The following PCSK5 variants were observed in gnomAD, a reference collection of about 807,000 sequenced individuals.
PCSK5 encodes the protein prohormone convertase 5.
PCSK5 carries 129 observed loss-of-function variants against 233.2 expected under a neutral mutation model. The observed-to-expected ratio is 0.55, with a 90% CI of 0.48 to 0.64. PCSK5 has a LOEUF of 0.64. PCSK5 is among the 30% of genes least tolerant of loss of function. The pLI is 0.00. For synonymous variants in PCSK5, 825 were observed against 879.2 expected (o/e 0.94, Z 1.09); for missense variants, 2,076 against 2,430.1 (o/e 0.85, Z 3.06).
rs576933970 is a variant in PCSK5 at position 76,274,052 on chromosome 9, C to T, written c.3143-18181C>T. Among the ~76,000 whole-genome samples, 86 of 151,724 alleles carry T rather than the reference C, an allele frequency of 5.7e-4. 1 individual carries two copies. The highest frequency in any genetic ancestry group is 1.9e-3 in the African/African-American group (77 of 41,436). On this transcript the variant is annotated intron_variant, in intron 24 of 37. Transcript: ENST00000674117. Reference sequence around the variant, plus strand: ...TTTCCCATTCTCTCAGTTATCTCTTCGGAACTTTGACATTTTTTAGCCCTT... The same window carrying T: ...TTTCCCATTCTCTCAGTTATCTCTTTGGAACTTTGACATTTTTTAGCCCTT...
At chr9:76,196,333 T>A (rs142323256) in intron 20 of PCSK5, among the ~76,000 whole-genome samples, 440 of 152,330 alleles carry the variant, frequency 2.9e-3, no homozygotes, top group East Asian at 0.015. Flanking sequence ...GAAGGTGGCT[T>A]TGTTCAATTT....
chr9:76,186,166 ATTCT>A (rs1375498216), intron 17 of PCSK5, among the ~76,000 whole-genome samples: 1 of 152,186 alleles, frequency 6.6e-6, no homozygotes, highest in African/African-American at 2.4e-5. Context: ...GATGTCTTTC[ATTCT>A]TTTTCATTGT....
At chr9:75,902,214 T>TAAAAAAAAA (rs200579439) in intron 1 of PCSK5, among the ~76,000 whole-genome samples, 554 of 53,098 alleles carry the variant, frequency 0.01, 13 homozygotes, top group Non-Finnish European at 0.014. Flanking sequence ...AGACACCATC[T>TAAAAAAAAA]AAAAAAAAAA....
At chr9:76,077,238 C>T (rs1830673468) in intron 7 of PCSK5, among the ~76,000 whole-genome samples, 1 of 152,112 alleles carries the variant, frequency 6.6e-6, no homozygotes, top group African/African-American at 2.4e-5. Flanking sequence ...CCACCTAAGG[C>T]CACCTCCTCC....
At chr9:76,172,136 A>G (rs1823357119) in intron 13 of PCSK5, among the ~76,000 whole-genome samples, 1 of 152,168 alleles carries the variant, frequency 6.6e-6, no homozygotes. Context: ...AACTGAATTT[A>G]TATTTATTTA....
chr9:75,945,623 A>G (rs938157249), intron 2 of PCSK5, among the ~76,000 whole-genome samples: 52 of 125,514 alleles, frequency 4.1e-4, no homozygotes, highest in Non-Finnish European at 7.6e-4. Flanking sequence ...TAATGACTTT[A>G]TTGATCCTGA....
At chr9:75,990,310 T>G (rs1476039940) in intron 3 of PCSK5, among the ~76,000 whole-genome samples, 1 of 152,210 alleles carries the variant, frequency 6.6e-6, no homozygotes, top group Non-Finnish European at 1.5e-5. Context: ...TGGCATGAAG[T>G]GTGCCTGCGT....
Position 76,323,053 on chromosome 9 carries a change from G to C in PCSK5, c.4104G>C (p.Glu1368Asp), listed in dbSNP as rs767113323. Residue 1368 changes from glutamate to aspartate, a missense_variant and splice_region_variant, in exon 32 of 38, where the codon GAG becomes GAC. Physicochemically the swap from Glu to Asp is conservative, Grantham distance 45. Transcript: ENST00000674117. ...QDCIHEKTCK[E>D]CTPEFFLHDD... ...CTTGCTGCTTCCTCCTTTTCCCAGA[G>C]TGCACGCCTGAGTTCTTCCTGCACG... The C allele has an allele frequency of 1.9e-6, 3 of 1,572,482 alleles. No homozygotes were observed. The highest frequency in any genetic ancestry group is 3.3e-4 in the Middle Eastern group (2 of 6,002).
chr9:76,269,273 C>T (rs974414738), intron 24 of PCSK5, among the ~76,000 whole-genome samples: 9 of 152,230 alleles, frequency 5.9e-5, no homozygotes, highest in African/African-American at 1.9e-4. Context: ...TCCTGGCACT[C>T]TCAAGTCTCT....
At chr9:76,173,366 C>T (rs1331389) in intron 13 of PCSK5, among the ~76,000 whole-genome samples, 1 of 152,038 alleles carries the variant, frequency 6.6e-6, no homozygotes, top group Admixed American at 6.6e-5. Flanking sequence ...GAGAGGGGTT[C>T]TGAGGGGCAT....
At chr9:76,278,886 T>A (rs1039600754) in intron 24 of PCSK5, among the ~76,000 whole-genome samples, 2 of 152,184 alleles carry the variant, frequency 1.3e-5, no homozygotes, top group African/African-American at 2.4e-5. Flanking sequence ...TTTTACTGCA[T>A]TTTGCTTTAT....
chr9:75,915,639 G>A (rs1463032384), intron 1 of PCSK5, among the ~76,000 whole-genome samples: 9 of 152,184 alleles, frequency 5.9e-5, no homozygotes, highest in Non-Finnish European at 5.9e-5. Context: ...GCAATATCCA[G>A]TGTTTGGAAT....
At chr9:76,179,918 TG>T (rs2131212729) in intron 15 of PCSK5, among the ~76,000 whole-genome samples, 1 of 152,022 alleles carries the variant, frequency 6.6e-6, no homozygotes, top group South Asian at 2.1e-4. Context: ...AAAATGTGCA[TG>T]TATGCTGTGA....
At position 75,908,939 on chromosome 9, in the gene PCSK5, CTGTCTATCTATCTA is replaced by C. The variant is rs1408394203; in HGVS notation, c.192+17568_192+17581del. Among the ~76,000 whole-genome samples the C allele has an allele frequency of 6.0e-5, 7 of 115,922 alleles. No homozygotes were observed. The South Asian group carries it at 8.3e-4, about 14-fold the overall frequency. 76.0% of individuals were successfully genotyped at this position (115,922 alleles called of 152,430 possible). ...TCTATCTATCTCTCTATCTCTCTCT[CTGTCTATCTATCTA>C]TCTATCTATCTATCTATCTATCTAT... On this transcript the variant is annotated intron_variant, in intron 1 of 37. Transcript: ENST00000674117.
intron 5 of PCSK5, among the ~76,000 whole-genome samples, chr9:76,066,119 CTT>C (rs1345355255): frequency 1.3e-5 from 2 of 152,032 alleles, no homozygotes; most frequent in Non-Finnish European, 2.9e-5. Context: ...TATTTGGAAT[CTT>C]TTGTGGTTTC....
chr9:76,236,477 C>T (rs912551165), intron 22 of PCSK5, among the ~76,000 whole-genome samples: 1 of 152,188 alleles, frequency 6.6e-6, no homozygotes, highest in Admixed American at 6.5e-5. Flanking sequence ...ACAAAAGTAT[C>T]AGCCCTTCTA....
chr9:75,943,180 C>T (rs568700071), intron 2 of PCSK5, among the ~76,000 whole-genome samples: 13 of 152,116 alleles, frequency 8.5e-5, no homozygotes, highest in Admixed American at 5.9e-4. Flanking sequence ...CCACCATGCC[C>T]GGCCTATGTG....
intron 29 of PCSK5, among the ~76,000 whole-genome samples, chr9:76,309,559 T>C (rs902154237): frequency 1.6e-4 from 24 of 151,962 alleles, no homozygotes; most frequent in African/African-American, 5.8e-4. Flanking sequence ...CCACATGTGT[T>C]GGCACATGCC....
chr9:76,248,933 A>G (rs1443226272), intron 24 of PCSK5, among the ~76,000 whole-genome samples: 1 of 152,086 alleles, frequency 6.6e-6, no homozygotes, highest in Non-Finnish European at 1.5e-5. Flanking sequence ...GCCTGGACTA[A>G]TTTATTTTTT....
Sources: allele counts gnomAD v4.1 joint callset (sites outside exome capture counted in the v4.1 genomes callset), GRCh38; gene constraint gnomAD v4.1.1; transcripts MANE v1.5; gene names NCBI Gene and HGNC (gene_info 2026-07-23, HGNC 2026-07-21).